Variants in DLGAP4 observed in about 807,000 individuals in gnomAD.
The protein encoded by DLGAP4 is disks large-associated protein 4.
Under a neutral mutation model 86.9 loss-of-function variants are expected in DLGAP4, and 18 were observed. That is an observed-to-expected ratio of 0.21 (90% CI 0.14 to 0.31). The LOEUF is 0.31. Among genes scored for constraint, DLGAP4 ranks in the 10% least tolerant of loss-of-function variants. The probability of loss-of-function intolerance (pLI) is 1.00; values close to 1 mark genes in which losing one functional copy is unlikely to be tolerated. For missense variants in DLGAP4, 1,085 were observed against 1,362.6 expected (o/e 0.80, Z 3.21); for synonymous variants, 548 against 574.3 (o/e 0.95, Z 0.65).
At position 36,348,951 on chromosome 20, in the gene DLGAP4, A is replaced by G. The variant is rs564694962; in HGVS notation, c.-303-18094A>G. The stretch of plus-strand genomic sequence containing the variant: ...CCCCATCTCTACTAAAAGTACAAAA[A>G]AATTAGCTGGGTGTGGTGGTGTGCG... On this transcript the variant is annotated intron_variant, in intron 1 of 12. Coordinates refer to ENST00000339266, the MANE Select transcript of DLGAP4 (RefSeq NM_001365621.2). Among the ~76,000 whole-genome samples the G allele has an allele frequency of 2.6e-5, 4 of 151,262 alleles. No homozygotes were observed. In the East Asian group the frequency reaches 7.9e-4, roughly 30 times the overall value.
At position 36,499,284 on chromosome 20, in the gene DLGAP4, G is replaced by A. The variant is rs1464971990; in HGVS notation, c.2011-304G>A. 5 of 1,613,740 alleles carry A rather than the reference G, an allele frequency of 3.1e-6. No homozygotes were observed. In the South Asian group the frequency reaches 4.4e-5, roughly 14 times the overall value. The stretch of plus-strand genomic sequence containing the variant: ...CGGTTCCCACCTCTCGGAGGACAAC[G>A]GACCCAAAGCGATCGATGTGATGGC... On this transcript the variant is annotated intron_variant, in intron 8 of 12. Coordinates refer to ENST00000339266, the MANE Select transcript of DLGAP4 (RefSeq NM_001365621.2).
intron 2 of DLGAP4, among the ~76,000 whole-genome samples, chr20:36,408,303 G>A (rs760096985): frequency 1.8e-4 from 28 of 151,942 alleles, no homozygotes; most frequent in Non-Finnish European, 3.4e-4. Context: ...TATCCCTGTT[G>A]ACAGCTGGGC....
chr20:36,405,142 A>T (rs2032280392), intron 2 of DLGAP4, among the ~76,000 whole-genome samples: 1 of 152,248 alleles, frequency 6.6e-6, no homozygotes. Context: ...GGCCTTGAAT[A>T]CCAGGGAAGC....
At chr20:36,353,548 GT>G (rs1555893604) in intron 1 of DLGAP4, among the ~76,000 whole-genome samples, 1 of 152,192 alleles carries the variant, frequency 6.6e-6, no homozygotes, top group African/African-American at 2.4e-5. Flanking sequence ...AGCATTTCTT[GT>G]AAGCACCTGG....
chr20:36,378,639 C>T (rs542768201), intron 2 of DLGAP4, among the ~76,000 whole-genome samples: 7 of 151,988 alleles, frequency 4.6e-5, no homozygotes, highest in South Asian at 4.2e-4. Flanking sequence ...CATGCACGCA[C>T]GCACCTGTGT....
At chr20:36,413,454 G>C (rs1216306538) in intron 2 of DLGAP4, among the ~76,000 whole-genome samples, 38 of 109,970 alleles carry the variant, frequency 3.5e-4, no homozygotes, top group African/African-American at 1.3e-3. Context: ...GTCTCACTCT[G>C]TCGCCCAGGC....
chr20:36,430,989 T>C (rs900815585), intron 2 of DLGAP4, among the ~76,000 whole-genome samples: 1 of 143,506 alleles, frequency 7.0e-6, no homozygotes, highest in Non-Finnish European at 1.5e-5. Context: ...TCTCTGGCCC[T>C]CTAAAAGTCC....
chr20:36,375,602 T>C (rs1380377189), intron 2 of DLGAP4, among the ~76,000 whole-genome samples: 1 of 152,058 alleles, frequency 6.6e-6, no homozygotes, highest in African/African-American at 2.4e-5. Flanking sequence ...AGGCATGAGA[T>C]ATGAGAGGTA....
intron 10 of DLGAP4, among the ~76,000 whole-genome samples, chr20:36,513,288 C>T (rs2036829605): frequency 6.6e-6 from 1 of 151,776 alleles, no homozygotes; most frequent in Admixed American, 6.6e-5. Context: ...GTGGCTCACG[C>T]CTGTAATCCC....
chr20:36,419,892 G>T (rs886700584), intron 2 of DLGAP4, among the ~76,000 whole-genome samples: 4 of 152,210 alleles, frequency 2.6e-5, no homozygotes, highest in African/African-American at 9.6e-5. Flanking sequence ...AAGGGAGAGG[G>T]GTGTACACAA....
At chr20:36,463,922 A>G (rs1243540372) in intron 7 of DLGAP4, among the ~76,000 whole-genome samples, 3 of 152,220 alleles carry the variant, frequency 2.0e-5, no homozygotes, top group Admixed American at 1.3e-4. Context: ...CAGAAGGGCC[A>G]GGGACCCACA....
At chr20:36,455,660 G>C (rs2089232966) in intron 7 of DLGAP4, among the ~76,000 whole-genome samples, 1 of 152,072 alleles carries the variant, frequency 6.6e-6, no homozygotes, top group African/African-American at 2.4e-5. Flanking sequence ...CTTGGTTTGG[G>C]GACCCACAGG....
intron 10 of DLGAP4, among the ~76,000 whole-genome samples, chr20:36,521,497 T>C (rs1287626251): frequency 1.3e-5 from 2 of 152,240 alleles, no homozygotes; most frequent in African/African-American, 4.8e-5. Flanking sequence ...CCCCACTGTC[T>C]ACCCTGGGGA....
chr20:36,476,136 C>T (rs2034904670), intron 7 of DLGAP4, among the ~76,000 whole-genome samples: 1 of 151,246 alleles, frequency 6.6e-6, no homozygotes, highest in Non-Finnish European at 1.5e-5. Context: ...TGGGATTACA[C>T]ACGCGCCCGG....
chr20:36,381,155 T>G (rs2031377812), intron 2 of DLGAP4, among the ~76,000 whole-genome samples: 1 of 152,258 alleles, frequency 6.6e-6, no homozygotes, highest in African/African-American at 2.4e-5. Context: ...CTACTCTACC[T>G]ACATGTATTC....
intron 11 of DLGAP4, 27 bp downstream of exon 11, chr20:36,524,368 G>A: frequency 6.3e-7 from 1 of 1,595,376 alleles, no homozygotes; most frequent in Non-Finnish European, 8.6e-7. Flanking sequence ...TTCCTCCACA[G>A]CAGGGCTTCC....
intron 7 of DLGAP4, chr20:36,461,521 G>A: frequency 2.0e-6 from 2 of 983,054 alleles, no homozygotes; most frequent in Non-Finnish European, 1.2e-6. Flanking sequence ...GTGAGTGCCC[G>A]CCGCTGGCCG....
intron 7 of DLGAP4, among the ~76,000 whole-genome samples, chr20:36,491,103 G>A (rs2035644423): frequency 6.6e-6 from 1 of 151,530 alleles, no homozygotes; most frequent in Non-Finnish European, 1.5e-5. Context: ...CAGCTACTCA[G>A]GAGGCTGAGG....
At chr20:36,520,250 A>T (rs1013144782) in intron 10 of DLGAP4, among the ~76,000 whole-genome samples, 1 of 152,082 alleles carries the variant, frequency 6.6e-6, no homozygotes. Context: ...AGTTGTAGGG[A>T]ATTCTTATAT....
Sources: gnomAD v4.1 joint callset for allele counts (sites outside exome capture counted in the v4.1 genomes callset) on GRCh38, gnomAD v4.1.1 for gene constraint, MANE v1.5 for transcripts, NCBI Gene and HGNC (gene_info 2026-07-23, HGNC 2026-07-21) for gene names.